MYO1E: variants seen among roughly 807,000 people sequenced by gnomAD.
MYO1E encodes myosin IE.
Under a neutral mutation model 151.1 loss-of-function variants are expected in MYO1E, and 68 were observed. The observed-to-expected ratio is 0.45, with a 90% CI of 0.37 to 0.55. MYO1E has a LOEUF of 0.55. Among genes scored for constraint, MYO1E ranks in the 20% least tolerant of loss-of-function variants. The probability of loss-of-function intolerance (pLI) is 0.00; values close to 1 mark genes in which losing one functional copy is unlikely to be tolerated. For missense variants in MYO1E, 1,363 were observed against 1,389.3 expected, an observed-to-expected ratio of 0.98 and a Z score of 0.30; for synonymous variants, 601 against 501.7, an observed-to-expected ratio of 1.20 and a Z score of -2.64.
chr15:59,187,135 G>T (rs1033928659), intron 18 of MYO1E, among the ~76,000 whole-genome samples: 1 of 152,158 alleles, frequency 6.6e-6, no homozygotes. Context: ...CAATTATCAA[G>T]AATTCTTGCA....
intron 2 of MYO1E, among the ~76,000 whole-genome samples, chr15:59,268,808 C>G (rs1370051416): frequency 2.3e-5 from 3 of 132,724 alleles, no homozygotes; most frequent in African/African-American, 8.2e-5. Flanking sequence ...TTATATGCTG[C>G]TTTTTGAAGA....
chr15:59,311,476 G>A (rs1054891515), intron 1 of MYO1E, among the ~76,000 whole-genome samples: 5 of 152,058 alleles, frequency 3.3e-5, no homozygotes, highest in Admixed American at 6.6e-5. Context: ...GCCACGGACC[G>A]TATTGCCCAG....
At chr15:59,144,128 G>C (rs1033028499) in intron 26 of MYO1E, among the ~76,000 whole-genome samples, 1 of 152,040 alleles carries the variant, frequency 6.6e-6, no homozygotes, top group Non-Finnish European at 1.5e-5. Flanking sequence ...TCAGGCAATG[G>C]CCTAGGTCCT....
At chr15:59,253,531 G>A (rs2080177263) in intron 4 of MYO1E, among the ~76,000 whole-genome samples, 1 of 127,560 alleles carries the variant, frequency 7.8e-6, no homozygotes, top group African/African-American at 3.0e-5. Context: ...CGCCAGGCTT[G>A]AGTGCAGTGG....
intron 1 of MYO1E, among the ~76,000 whole-genome samples, chr15:59,305,948 C>A (rs1432186416): frequency 6.6e-6 from 1 of 152,078 alleles, no homozygotes; most frequent in Non-Finnish European, 1.5e-5. Flanking sequence ...GCAGGAAAAC[C>A]AGACAACTGC....
intron 26 of MYO1E, among the ~76,000 whole-genome samples, chr15:59,149,866 G>GT (rs2079466000): frequency 6.6e-6 from 1 of 152,200 alleles, no homozygotes. Flanking sequence ...GAATTTTCAT[G>GT]TTTATGGAAA....
In MYO1E at chr15:59,214,358, A is replaced by G. The variant is rs750294563; in HGVS notation, c.1189-44T>C. The G allele has an allele frequency of 5.0e-6, 7 of 1,412,134 alleles. No homozygotes were observed. In the South Asian group the frequency reaches 7.0e-5, roughly 14 times the overall value. 87.5% of individuals were successfully genotyped at this position (1,412,134 alleles called of 1,614,324 possible). A position where few individuals can be genotyped will look rare whatever the true frequency, so the allele number is the denominator to read the frequency against. ...TCACATGTAATTCTTTCACAAAATC[A>G]TTTAAAAGTCATTTCTGGAGTGATT... On this transcript the variant is annotated intron_variant, in intron 11 of 27. Coordinates refer to ENST00000288235, the MANE Select transcript of MYO1E (RefSeq NM_004998.4).
intron 26 of MYO1E, among the ~76,000 whole-genome samples, chr15:59,149,148 C>G (rs546468702): frequency 1.3e-5 from 2 of 150,308 alleles, no homozygotes; most frequent in African/African-American, 4.9e-5. Flanking sequence ...GCTCTGCCTC[C>G]TGGGTTCACG....
At chr15:59,297,583 A>AT (rs2080458213) in intron 1 of MYO1E, among the ~76,000 whole-genome samples, 1 of 151,148 alleles carries the variant, frequency 6.6e-6, no homozygotes, top group African/African-American at 2.4e-5. Flanking sequence ...GGCTTTTAAA[A>AT]TTTTTATAAT....
chr15:59,153,868 A>G lies in MYO1E; in HGVS notation c.2879-77T>C, dbSNP rs1319383503. The G allele has an allele frequency of 2.2e-6, 3 of 1,372,272 alleles. No homozygotes were observed. In the African/African-American group the frequency reaches 4.3e-5, roughly 20 times the overall value. The allele number at this position is 1,372,272 out of a possible 1,614,324, so 85.0% of individuals were successfully genotyped here. On this transcript the variant is annotated intron_variant, in intron 25 of 27. Transcript: ENST00000288235. Reference sequence around the variant, plus strand: ...CCAAAAGTCTCTCCACATTTCTTCCATGTACTACAAGGGCAGCTTACTTAA... The same window carrying G: ...CCAAAAGTCTCTCCACATTTCTTCCGTGTACTACAAGGGCAGCTTACTTAA...
At chr15:59,271,458 G>A (rs761296783) in intron 2 of MYO1E, among the ~76,000 whole-genome samples, 4 of 152,322 alleles carry the variant, frequency 2.6e-5, no homozygotes, top group Non-Finnish European at 4.4e-5. Flanking sequence ...AGTTTTGCAT[G>A]TCCATGACTA....
At chr15:59,218,222 C>G (rs1320044122) in intron 9 of MYO1E, 135 bp from the exon 10 acceptor site, 1 of 1,014,096 alleles carries the variant, frequency 9.9e-7, no homozygotes, top group South Asian at 1.3e-5. Flanking sequence ...GCCCCAAGAG[C>G]TTACGTTCTA....
At chr15:59,207,229 C>G (rs2079842965) in intron 14 of MYO1E, 1 of 1,614,212 alleles carries the variant, frequency 6.2e-7, no homozygotes, top group Non-Finnish European at 8.5e-7. Flanking sequence ...GAGTGATGAA[C>G]TTGCCCTTGT....
In MYO1E at chr15:59,372,543, C is replaced by T. The variant is rs2080954090; in HGVS notation, c.-43G>A. On this transcript the variant is annotated 5_prime_UTR_variant, in exon 1 of 28. Transcript: ENST00000288235. ...TCGCGTCTTCGCCGGGTCCCGCTGC[C>T]GGGGAACTGGGGCTGGAACGCAGTC... The T allele has an allele frequency of 6.5e-7, 1 of 1,535,106 alleles. No individual in the cohort carries two copies.
At chr15:59,277,712 A>G (rs929482592) in intron 1 of MYO1E, among the ~76,000 whole-genome samples, 4 of 152,204 alleles carry the variant, frequency 2.6e-5, no homozygotes, top group African/African-American at 9.7e-5. Context: ...TCATTAAGGG[A>G]CTGATTAGAA....
chr15:59,308,443 G>A (rs35357407), intron 1 of MYO1E, among the ~76,000 whole-genome samples: 2,329 of 151,954 alleles, frequency 0.015, 18 homozygotes, highest in Non-Finnish European at 0.022. Flanking sequence ...AGGCCAAGGC[G>A]GGTGGATCAC....
At chr15:59,178,632 C>G in intron 18 of MYO1E, 95 bp from the exon 19 acceptor site, 4 of 1,470,648 alleles carry the variant, frequency 2.7e-6, no homozygotes, top group Non-Finnish European at 3.7e-6. Context: ...TCTGAAGGTG[C>G]CCAGTGCTGC....
At chr15:59,230,240 G>GTGTT (rs1422618418) in intron 6 of MYO1E, among the ~76,000 whole-genome samples, 1 of 151,594 alleles carries the variant, frequency 6.6e-6, no homozygotes, top group Non-Finnish European at 1.5e-5. Flanking sequence ...GTGTGTGTGT[G>GTGTT]TGTGTGTGTG....
chr15:59,150,981 T>TG (rs34064515), intron 26 of MYO1E, among the ~76,000 whole-genome samples: 49,239 of 149,578 alleles, frequency 0.33, 8,344 homozygotes, highest in East Asian at 0.43. Context: ...TACCCAAGAC[T>TG]GGGGGGTAGT....
Sources: gnomAD v4.1 joint callset for allele counts (sites outside exome capture counted in the v4.1 genomes callset) on GRCh38, gnomAD v4.1.1 for gene constraint, MANE v1.5 for transcripts, NCBI Gene and HGNC (gene_info 2026-07-23, HGNC 2026-07-21) for gene names.